The following PRCC variants were observed in gnomAD, a reference collection of about 807,000 sequenced individuals.
The protein encoded by PRCC is proline-rich protein PRCC.
In PRCC, 10 loss-of-function variants were observed where a neutral mutation model predicts 44.0. The observed-to-expected ratio is 0.23, with a 90% CI of 0.14 to 0.39. The LOEUF is 0.39. Among genes scored for constraint, PRCC ranks in the 10% least tolerant of loss-of-function variants. The pLI is 1.00. For missense variants in PRCC, 573 were observed against 624.7 expected (o/e 0.92, Z 0.88); for synonymous variants, 278 against 259.5 (o/e 1.07, Z -0.69).
chr1:156,787,282 C>T, intron 3 of PRCC, 108 bp downstream of exon 3: 1 of 1,246,962 alleles, frequency 8.0e-7, no homozygotes, highest in Non-Finnish European at 1.1e-6. Context: ...GCTAAATTAA[C>T]CTTCTCTATT....
rs548807299 is a variant in PRCC, at chr1:156,799,582, C to T, written c.1390-792C>T. ...ATTGTTTTTGTCATATTTTCACCTT[C>T]CTTTCAGGAACTCCTTTGTACTCTT... On this transcript the variant is annotated intron_variant, in intron 6 of 6. Coordinates refer to ENST00000271526, the MANE Select transcript of PRCC (RefSeq NM_005973.5). Among the ~76,000 whole-genome samples, 323 of 152,232 alleles carry T rather than the reference C, an allele frequency of 2.1e-3. 5 individuals carry two copies. The highest frequency in any genetic ancestry group is 7.7e-3 in the African/African-American group (318 of 41,530).
intron 2 of PRCC, among the ~76,000 whole-genome samples, chr1:156,786,278 A>G (rs926954256): frequency 1.2e-4 from 18 of 152,166 alleles, no homozygotes; most frequent in Non-Finnish European, 1.5e-5. Flanking sequence ...TTGGGGAGGA[A>G]GGACGATGTG....
intron 1 of PRCC, among the ~76,000 whole-genome samples, chr1:156,776,200 A>C (rs1651821801): frequency 1.3e-5 from 2 of 152,182 alleles, no homozygotes; most frequent in African/African-American, 4.8e-5. Flanking sequence ...TTATCTCTAC[A>C]AAAAAATTTT....
Position 156,782,213 on chromosome 1 carries a change from G to C in PRCC, c.469-69G>C, listed in dbSNP as rs989049373. On this transcript the variant is annotated intron_variant, in intron 1 of 6. Coordinates refer to ENST00000271526, the MANE Select transcript of PRCC (RefSeq NM_005973.5). ...CACTGTTGTCCAACCCTTCATATGT[G>C]CTATATTTAATGTGTTTCCTTTACT... The C allele has an allele frequency of 5.0e-6, 7 of 1,405,274 alleles. No individual in the cohort carries two copies. In the East Asian group the frequency reaches 6.9e-5, roughly 14 times the overall value. 87.1% of individuals were successfully genotyped at this position (1,405,274 alleles called of 1,614,324 possible).
chr1:156,787,049 C>T lies in PRCC; in HGVS notation c.958C>T (p.Pro320Ser). 1 of 1,614,178 alleles carries T rather than the reference C, an allele frequency of 6.2e-7. No individual in the cohort carries two copies. Among genetic ancestry groups the T allele is most frequent in the Non-Finnish European group, 8.5e-7 (1 of 1,180,018 alleles). ...PAFQDDAANAPLEFKMAAGSS... is the reference protein window; with the variant it reads ...PAFQDDAANASLEFKMAAGSS... ...TTTCCAGGACGATGCAGCCAATGCC[C>T]CCCTTGAATTCAAGATGGCAGCAGG... Residue 320 changes from proline (P) to serine (S), a missense_variant, in exon 3 of 7, where the codon CCC becomes TCC. Pro to Ser is a moderately conservative substitution (Grantham distance 74, BLOSUM62 -1). Transcript: ENST00000271526.
At chr1:156,786,296 G>A (rs1652242422) in intron 2 of PRCC, among the ~76,000 whole-genome samples, 1 of 152,158 alleles carries the variant, frequency 6.6e-6, no homozygotes, top group South Asian at 2.1e-4. Context: ...GTGAGGTTAA[G>A]AGCATCGTAT....
At chr1:156,773,169 T>C (rs1651695145) in intron 1 of PRCC, among the ~76,000 whole-genome samples, 1 of 152,144 alleles carries the variant, frequency 6.6e-6, no homozygotes, top group Non-Finnish European at 1.5e-5. Flanking sequence ...GGTGTGGTGC[T>C]TAGGGGGCGT....
chr1:156,768,902 G>T (rs1651519595), intron 1 of PRCC, among the ~76,000 whole-genome samples: 1 of 152,118 alleles, frequency 6.6e-6, no homozygotes, highest in South Asian at 2.1e-4. Flanking sequence ...TAAGATTAAG[G>T]TTCAGTCTCT....
intron 4 of PRCC, among the ~76,000 whole-genome samples, chr1:156,792,498 A>C (rs1224566057): frequency 6.6e-6 from 1 of 152,042 alleles, no homozygotes; most frequent in Non-Finnish European, 1.5e-5. Flanking sequence ...CCCAGGCTGG[A>C]GTATGGTGGC....
chr1:156,777,088 A>G (rs1471210553), intron 1 of PRCC, among the ~76,000 whole-genome samples: 3 of 152,148 alleles, frequency 2.0e-5, no homozygotes, highest in Non-Finnish European at 4.4e-5. Context: ...GGTAAGTACT[A>G]TTTGCACCTT....
intron 1 of PRCC, among the ~76,000 whole-genome samples, chr1:156,769,043 T>TA (rs1571568639): frequency 6.6e-6 from 1 of 152,178 alleles, no homozygotes; most frequent in East Asian, 1.9e-4. Flanking sequence ...AGTGGAAAAA[T>TA]ACAAGGCTCC....
chr1:156,780,161 G>A (rs1000626471), intron 1 of PRCC, among the ~76,000 whole-genome samples: 5 of 151,930 alleles, frequency 3.3e-5, no homozygotes, highest in Non-Finnish European at 5.9e-5. Flanking sequence ...GATTTCAAGC[G>A]ATTCTCCTGC....
At chr1:156,782,857 A>G (rs1349231554) in intron 2 of PRCC, among the ~76,000 whole-genome samples, 1 of 152,176 alleles carries the variant, frequency 6.6e-6, no homozygotes, top group Non-Finnish European at 1.5e-5. Flanking sequence ...CCAAGATCAG[A>G]CAACTAGTGT....
chr1:156,792,744 T>C (rs1209802960), intron 4 of PRCC, among the ~76,000 whole-genome samples: 2 of 152,144 alleles, frequency 1.3e-5, no homozygotes, highest in Non-Finnish European at 2.9e-5. Flanking sequence ...CGTGAGCCAC[T>C]GCATCTAGCC....
At chr1:156,783,235 G>T (rs937254921) in intron 2 of PRCC, among the ~76,000 whole-genome samples, 2 of 152,120 alleles carry the variant, frequency 1.3e-5, no homozygotes, top group African/African-American at 4.8e-5. Context: ...GCTCTTAACT[G>T]CTGCACTCAG....
intron 6 of PRCC, among the ~76,000 whole-genome samples, chr1:156,798,972 G>C (rs1037885243): frequency 1.3e-5 from 2 of 152,278 alleles, no homozygotes; most frequent in South Asian, 4.1e-4. Flanking sequence ...TTAGCATTAC[G>C]TGGTGTTTTA....
chr1:156,780,297 A>G (rs1165632345), intron 1 of PRCC, among the ~76,000 whole-genome samples: 1 of 151,100 alleles, frequency 6.6e-6, no homozygotes, highest in Non-Finnish European at 1.5e-5. Flanking sequence ...GGGCTCAAGT[A>G]ATCCTCCCGC....
At chr1:156,794,598 G>A in intron 4 of PRCC, 67 bp from the exon 5 acceptor site, 1 of 1,564,194 alleles carries the variant, frequency 6.4e-7, no homozygotes, top group Admixed American at 1.8e-5. Context: ...ATAAACTCTG[G>A]CTCTTTAGTG....
At chr1:156,770,864 G>A (rs1366974114) in intron 1 of PRCC, among the ~76,000 whole-genome samples, 2 of 152,200 alleles carry the variant, frequency 1.3e-5, no homozygotes, top group Non-Finnish European at 2.9e-5. Flanking sequence ...CAACCATTTC[G>A]TTCAATTGAT....
Sources: gnomAD v4.1 joint callset for allele counts (sites outside exome capture counted in the v4.1 genomes callset) on GRCh38, gnomAD v4.1.1 for gene constraint, MANE v1.5 for transcripts, NCBI Gene and HGNC (gene_info 2026-07-23, HGNC 2026-07-21) for gene names.